Variants in CFAP54 observed in about 807,000 individuals in gnomAD.
CFAP54 encodes cilia and flagella associated protein 54.
Under a neutral mutation model 370.4 loss-of-function variants are expected in CFAP54, and 290 were observed. That is an observed-to-expected ratio of 0.78 (90% CI 0.71 to 0.86). The LOEUF (loss-of-function observed/expected upper bound fraction) is 0.86. Among genes scored for constraint, CFAP54 ranks in the 40% least tolerant of loss-of-function variants. CFAP54 has a pLI of 0.00. For synonymous variants in CFAP54, 1,206 were observed against 1,236.5 expected, an observed-to-expected ratio of 0.98 and a Z score of 0.52; for missense variants, 3,399 against 3,528.7, an observed-to-expected ratio of 0.96 and a Z score of 0.93.
chr12:96,645,265 A>G (rs1331860932), intron 33 of CFAP54: 4 of 415,310 alleles, frequency 9.6e-6, no homozygotes, highest in Non-Finnish European at 1.5e-5. Context: ...AAGATACAAA[A>G]TCAATGAGCA....
intron 33 of CFAP54, among the ~76,000 whole-genome samples, chr12:96,647,471 C>CCAAAAAAAAAAAA (rs1956808455): frequency 9.4e-5 from 1 of 10,688 alleles, no homozygotes; most frequent in Non-Finnish European, 2.5e-4. Context: ...AGACTCTGTC[C>CCAAAAAAAAAAAA]CAAAAAAAAA....
intron 39 of CFAP54, among the ~76,000 whole-genome samples, chr12:96,676,059 C>T (rs1957203984): frequency 6.6e-6 from 1 of 152,036 alleles, no homozygotes; most frequent in Non-Finnish European, 1.5e-5. Context: ...GCATGTTGTA[C>T]ACGTGTACCC....
chr12:96,869,791 T>G (rs1163668723), intron 67 of CFAP54, among the ~76,000 whole-genome samples: 1 of 151,524 alleles, frequency 6.6e-6, no homozygotes, highest in South Asian at 2.1e-4. Flanking sequence ...CAAAATTTGC[T>G]GGGTGTGGTG....
intron 41 of CFAP54, 102 bp downstream of exon 41, chr12:96,684,837 T>C: frequency 9.2e-7 from 1 of 1,085,040 alleles, no homozygotes; most frequent in Non-Finnish European, 1.3e-6. Flanking sequence ...ATTTTAGTTC[T>C]TCAACAATAC....
chr12:96,795,030 C>T (rs777842956), intron 63 of CFAP54, among the ~76,000 whole-genome samples: 3 of 152,164 alleles, frequency 2.0e-5, no homozygotes, highest in African/African-American at 4.8e-5. Flanking sequence ...AGGCACCCAT[C>T]GAAGCTACCG....
intron 3 of CFAP54, among the ~76,000 whole-genome samples, chr12:96,504,985 CTTCTTTCTTT>C (rs1565877520): frequency 2.1e-5 from 3 of 144,136 alleles, no homozygotes; most frequent in Admixed American, 7.2e-5. Flanking sequence ...CCCTTTCTTT[CTTCTTTCTTT>C]TTCTTTCTTT....
Position 96,585,663 on chromosome 12 carries a change from C to T in CFAP54, c.3076-3764C>T, listed in dbSNP as rs139323959. On this transcript the variant is annotated intron_variant, in intron 22 of 67. Coordinates refer to ENST00000524981, the MANE Select transcript of CFAP54 (RefSeq NM_001306084.2). ...CCTCACCCTTCTTTTTGCCTTTGGC[C>T]CCACATCTGGGCAGGATGATAAGAA... Among the ~76,000 whole-genome samples, 64 of 152,204 alleles carry T rather than the reference C, an allele frequency of 4.2e-4. 2 individuals are homozygous for T. In the East Asian group the frequency reaches 7.5e-3, roughly 18 times the overall value.
At chr12:96,728,909 G>A (rs1957879381) in intron 50 of CFAP54, among the ~76,000 whole-genome samples, 1 of 152,226 alleles carries the variant, frequency 6.6e-6, no homozygotes, top group Admixed American at 6.5e-5. Context: ...AGGACCCTCA[G>A]CTGCAGGTCT....
rs71068819 is a variant in CFAP54 at position 96,621,875 on chromosome 12, G to GTTTTTTTTTTTTTTTTTTT, written c.3771+168_3771+186dup. On this transcript the variant is annotated intron_variant, in intron 27 of 67. Transcript: ENST00000524981. ...ATTATAGTAAAGAGCTTTTGGGTTT[G>GTTTTTTTTTTTTTTTTTTT]TTTTTTTTTTTTTTTTTTTTTTTTT... Among the ~76,000 whole-genome samples, 14 of 50,034 alleles carry GTTTTTTTTTTTTTTTTTTT rather than the reference G, an allele frequency of 2.8e-4. 2 individuals carry two copies. The highest frequency in any genetic ancestry group is 1.7e-3 in the East Asian group (2 of 1,186). 32.8% of individuals were successfully genotyped at this position (50,034 alleles called of 152,430 possible).
chr12:96,830,713 C>G (rs1959168003), intron 66 of CFAP54, among the ~76,000 whole-genome samples: 1 of 152,116 alleles, frequency 6.6e-6, no homozygotes, highest in Non-Finnish European at 1.5e-5. Flanking sequence ...GAATCTTGCT[C>G]TGTCACCCAG....
At chr12:96,819,083 G>C (rs1044058991) in intron 65 of CFAP54, among the ~76,000 whole-genome samples, 1 of 152,160 alleles carries the variant, frequency 6.6e-6, no homozygotes, top group Non-Finnish European at 1.5e-5. Context: ...CCACAATTCC[G>C]CTCTGCAGAG....
intron 32 of CFAP54, among the ~76,000 whole-genome samples, chr12:96,640,111 T>G (rs1260893720): frequency 6.6e-6 from 1 of 152,152 alleles, no homozygotes; most frequent in East Asian, 1.9e-4. Context: ...ATAAAGGGTA[T>G]TCAATTAGGA....
At chr12:96,826,726 T>G (rs1301076397) in intron 65 of CFAP54, among the ~76,000 whole-genome samples, 32 of 111,740 alleles carry the variant, frequency 2.9e-4, no homozygotes, top group African/African-American at 1.1e-3. Context: ...CAACAGAATA[T>G]ATTATATAAT....
intron 50 of CFAP54, among the ~76,000 whole-genome samples, chr12:96,731,937 A>G (rs1957924735): frequency 6.6e-6 from 1 of 152,216 alleles, no homozygotes; most frequent in Non-Finnish European, 1.5e-5. Flanking sequence ...TTGGTGTAGT[A>G]TCAAAGAAGA....
intron 15 of CFAP54, among the ~76,000 whole-genome samples, chr12:96,550,844 C>T (rs1263704298): frequency 6.6e-6 from 1 of 152,132 alleles, no homozygotes; most frequent in Admixed American, 6.5e-5. Context: ...TACAAATATA[C>T]TTAGATTTTT....
intron 11 of CFAP54, 32 bp from the exon 12 acceptor site, chr12:96,535,483 T>C: frequency 7.3e-7 from 1 of 1,375,462 alleles, no homozygotes; most frequent in Non-Finnish European, 9.9e-7. Flanking sequence ...AGTGATTTTT[T>C]TGTTTCATTT....
rs1268892249 is a variant in CFAP54 at position 96,792,381 on chromosome 12, G to T, written c.8732G>T (p.Gly2911Val). ...QSILSFKPVS[G>V]SSCVDITPIE... Reference sequence around the variant, plus strand: ...ATTTTATCTTTTAAGCCTGTTTCAGGCTCATCTTGTGTGGACATAACGCCA... The same window carrying T: ...ATTTTATCTTTTAAGCCTGTTTCAGTCTCATCTTGTGTGGACATAACGCCA... Residue 2911 changes from glycine (G) to valine (V), a missense_variant, in exon 63 of 68, where the codon GGC (glycine) becomes GTC (valine). Transcript: ENST00000524981. 2 of 1,535,682 alleles carry T rather than the reference G, an allele frequency of 1.3e-6. No homozygotes were observed. The highest frequency in any genetic ancestry group is 1.7e-6 in the Non-Finnish European group (2 of 1,146,780).
chr12:96,674,004 C>T (rs954043791), intron 39 of CFAP54, among the ~76,000 whole-genome samples: 1 of 152,192 alleles, frequency 6.6e-6, no homozygotes, highest in South Asian at 2.1e-4. Context: ...GCTTGTTAAG[C>T]TCCATAGGGG....
chr12:96,792,398 A>G lies in CFAP54; in HGVS notation c.8749A>G (p.Ile2917Val). The stretch of plus-strand genomic sequence containing the variant: ...TGTTTCAGGCTCATCTTGTGTGGAC[A>G]TAACGCCAATAGAAATGGTAACGCA... Reference protein sequence around the residue: ...KPVSGSSCVDITPIEMVTQAS... With the variant: ...KPVSGSSCVDVTPIEMVTQAS... Residue 2917 changes from isoleucine to valine, a missense_variant, in exon 63 of 68, where the codon ATA (isoleucine) becomes GTA (valine). Ile to Val is a conservative substitution (Grantham distance 29). Transcript: ENST00000524981. The G allele has an allele frequency of 6.5e-7, 1 of 1,535,938 alleles. No homozygotes were observed. Among genetic ancestry groups the G allele is most frequent in the Non-Finnish European group, 8.7e-7 (1 of 1,146,762 alleles).
Sources: gnomAD v4.1 joint callset for allele counts (sites outside exome capture counted in the v4.1 genomes callset) on GRCh38, gnomAD v4.1.1 for gene constraint, MANE v1.5 for transcripts, NCBI Gene and HGNC (gene_info 2026-07-23, HGNC 2026-07-21) for gene names.